Variants in LGSN observed in about 807,000 individuals in gnomAD.
The protein encoded by LGSN is lengsin.
A neutral mutation model predicts 19.5 loss-of-function variants in LGSN; 21 were observed. The ratio of observed to expected loss-of-function variants is 1.07; its 90% CI spans 0.76 to 1.55. The LOEUF is 1.55. Ranked by LOEUF, LGSN falls within the 40% of genes most tolerant of loss-of-function variation. LGSN has a pLI of 0.00. For synonymous variants in LGSN, 257 were observed against 215.6 expected (o/e 1.19, Z -1.68); for missense variants, 673 against 608.5 (o/e 1.11, Z -1.12).
the LGSN span, among the ~76,000 whole-genome samples, chr6:63,427,937 C>A: frequency 6.6e-6 from 1 of 152,122 alleles, no homozygotes; most frequent in South Asian, 2.1e-4. Context: ...TTAATAGGCA[C>A]CTAATTATCT....
chr6:63,566,107 C>A, the LGSN span, among the ~76,000 whole-genome samples: 1 of 152,190 alleles, frequency 6.6e-6, no homozygotes, highest in African/African-American at 2.4e-5. Context: ...CCTGTTTTGT[C>A]CCACTGAACC....
the LGSN span, among the ~76,000 whole-genome samples, chr6:63,421,864 A>G: frequency 4.6e-5 from 7 of 152,204 alleles, no homozygotes; most frequent in Non-Finnish European, 4.4e-5. Flanking sequence ...ACAGTTCTGG[A>G]GGGAAAGAAA....
the LGSN span, among the ~76,000 whole-genome samples, chr6:63,340,209 A>G: frequency 6.6e-6 from 1 of 151,986 alleles, no homozygotes; most frequent in Non-Finnish European, 1.5e-5. Flanking sequence ...TTCTTCTTTG[A>G]GTTTTGATAG....
chr6:63,551,883 T>G, the LGSN span, among the ~76,000 whole-genome samples: 3 of 152,226 alleles, frequency 2.0e-5, no homozygotes, highest in African/African-American at 7.2e-5. Context: ...CATCATTTTT[T>G]ATGGCTGCAT....
the LGSN span, among the ~76,000 whole-genome samples, chr6:63,554,873 G>A: frequency 6.6e-6 from 1 of 152,156 alleles, no homozygotes; most frequent in African/African-American, 2.4e-5. Context: ...ATTTATGTTT[G>A]TATATCCACC....
chr6:63,548,794 C>A, the LGSN span: 1 of 728,972 alleles, frequency 1.4e-6, no homozygotes, highest in Admixed American at 1.9e-5. Flanking sequence ...AGGACATTGC[C>A]TCCCCAGTGA....
At chr6:63,327,094 TA>T in the LGSN span, among the ~76,000 whole-genome samples, 449 of 152,230 alleles carry the variant, frequency 2.9e-3, 3 homozygotes, top group African/African-American at 0.01. Context: ...TCCTGCTGGA[TA>T]GGGGTGAAGA....
the LGSN span, among the ~76,000 whole-genome samples, chr6:63,438,760 T>G: frequency 0.47 from 71,238 of 151,784 alleles, 17,825 homozygotes; most frequent in Non-Finnish European, 0.53. Flanking sequence ...TTGGTGGGAC[T>G]GTAAACTAGT....
the LGSN span, among the ~76,000 whole-genome samples, chr6:63,566,764 A>G: frequency 1.3e-5 from 2 of 152,144 alleles, no homozygotes; most frequent in Non-Finnish European, 2.9e-5. Flanking sequence ...TGACTCCACA[A>G]AAAATTTCTC....
chr6:63,411,206 T>C, the LGSN span, among the ~76,000 whole-genome samples: 1 of 152,186 alleles, frequency 6.6e-6, no homozygotes. Flanking sequence ...AAAGTCTATA[T>C]TCGTGATTTG....
chr6:63,564,896 C>T, the LGSN span, among the ~76,000 whole-genome samples: 2 of 152,220 alleles, frequency 1.3e-5, no homozygotes, highest in Admixed American at 6.5e-5. Flanking sequence ...GCAAAACAGT[C>T]ATGAGTTATG....
At chr6:63,394,325 C>T in the LGSN span, among the ~76,000 whole-genome samples, 1 of 152,182 alleles carries the variant, frequency 6.6e-6, no homozygotes, top group Non-Finnish European at 1.5e-5. Flanking sequence ...TCAAAACCCA[C>T]TAAACCAAGA....
At chr6:63,313,728 C>T (rs1413107382) in intron 1 of LGSN, among the ~76,000 whole-genome samples, 3 of 152,028 alleles carry the variant, frequency 2.0e-5, no homozygotes, top group Admixed American at 6.6e-5. Context: ...CCCAGCTACT[C>T]GGGAGACTGA....
the LGSN span, among the ~76,000 whole-genome samples, chr6:63,359,571 T>A: frequency 1.3e-5 from 2 of 152,192 alleles, no homozygotes; most frequent in East Asian, 3.8e-4. Context: ...GGAGAGTGTA[T>A]GTGTTGAGGA....
At chr6:63,467,834 G>A in the LGSN span, among the ~76,000 whole-genome samples, 10 of 152,250 alleles carry the variant, frequency 6.6e-5, no homozygotes, top group African/African-American at 2.2e-4. Flanking sequence ...TGGGATTACA[G>A]GAACGCATCA....
chr6:63,342,237 C>A, the LGSN span, among the ~76,000 whole-genome samples: 2 of 152,192 alleles, frequency 1.3e-5, no homozygotes, highest in African/African-American at 4.8e-5. Context: ...AATGTCTTTA[C>A]AATTTCATTT....
At chr6:63,533,036 A>T in the LGSN span, among the ~76,000 whole-genome samples, 1 of 152,224 alleles carries the variant, frequency 6.6e-6, no homozygotes, top group Non-Finnish European at 1.5e-5. Context: ...TGACAGAGGC[A>T]TCAAAATCTA....
chr6:63,456,031 C>A, the LGSN span, among the ~76,000 whole-genome samples: 1 of 151,808 alleles, frequency 6.6e-6, no homozygotes, highest in Non-Finnish European at 1.5e-5. Flanking sequence ...AGTTCGGGAC[C>A]AGCCTGGCCA....
At chr6:63,565,926 A>T in the LGSN span, among the ~76,000 whole-genome samples, 1 of 152,250 alleles carries the variant, frequency 6.6e-6, no homozygotes, top group Non-Finnish European at 1.5e-5. Context: ...TTATATGTTC[A>T]TAGAGATTTA....
Sources: gnomAD v4.1 joint callset for allele counts (sites outside exome capture counted in the v4.1 genomes callset) on GRCh38, gnomAD v4.1.1 for gene constraint, MANE v1.5 for transcripts, NCBI Gene and HGNC (gene_info 2026-07-23, HGNC 2026-07-21) for gene names.